TMEM268: variants seen among roughly 807,000 people sequenced by gnomAD.
TMEM268 encodes transmembrane protein 268, also known as transmembrane protein C9orf91.
TMEM268 carries 24 observed loss-of-function variants against 39.1 expected under a neutral mutation model. That is an observed-to-expected ratio of 0.61 (90% CI 0.44 to 0.86). TMEM268 has a LOEUF of 0.86. Among genes scored for constraint, TMEM268 ranks in the 40% least tolerant of loss-of-function variants. TMEM268 has a pLI of 0.00. For missense variants in TMEM268, 409 were observed against 428.6 expected (o/e 0.95, Z 0.40); for synonymous variants, 176 against 173.5 (o/e 1.01, Z -0.12).
At chr9:114,610,625 C>G (rs1845454745), upstream of TMEM268, among the ~76,000 whole-genome samples, 2 of 152,140 alleles carry the variant, frequency 1.3e-5, no homozygotes, top group African/African-American at 4.8e-5. Context: ...TACTTTTAAC[C>G]GTAGACCCTT....
Position 114,644,629 on chromosome 9 carries a change from C to A in TMEM268, c.*1316C>A, listed in dbSNP as rs1827500168. 1 of 152,098 alleles carries A rather than the reference C, an allele frequency of 6.6e-6. No homozygotes were observed. The highest frequency in any genetic ancestry group is 2.4e-5 in the African/African-American group (1 of 41,412). The allele number at this position is 152,098 out of a possible 1,614,324, so 9.4% of individuals were successfully genotyped here. A position where few individuals can be genotyped will look rare whatever the true frequency, so the allele number is the denominator to read the frequency against. ...TCTTGTGGATTGATTGCTTTGCCATCCCCACAGCAGCTTTTGCAAATTGCT... is the reference window on the plus strand; with the variant it reads ...TCTTGTGGATTGATTGCTTTGCCATACCCACAGCAGCTTTTGCAAATTGCT... On this transcript the variant is annotated 3_prime_UTR_variant, in exon 9 of 9. Coordinates refer to ENST00000288502, the MANE Select transcript of TMEM268 (RefSeq NM_153045.4).
chr9:114,606,063 T>C, the TMEM268 span, among the ~76,000 whole-genome samples: 2 of 151,900 alleles, frequency 1.3e-5, no homozygotes, highest in Admixed American at 6.6e-5. Context: ...TCTACAATTA[T>C]CTTAGGTGGT....
intron 3 of TMEM268, among the ~76,000 whole-genome samples, chr9:114,625,393 T>A (rs6478094): frequency 0.87 from 132,218 of 151,600 alleles, 57,840 homozygotes; most frequent in East Asian, 0.98. Context: ...ATGAATAGGG[T>A]AGATATACTG....
At chr9:114,637,417 G>C (rs145296745) in intron 7 of TMEM268, among the ~76,000 whole-genome samples, 1 of 150,810 alleles carries the variant, frequency 6.6e-6, no homozygotes, top group African/African-American at 2.4e-5. Context: ...CTCAGCCTCC[G>C]GAGTAGCTGG....
At chr9:114,608,201 T>C (rs1035905859), upstream of TMEM268, among the ~76,000 whole-genome samples, 2 of 152,250 alleles carry the variant, frequency 1.3e-5, no homozygotes, top group Non-Finnish European at 2.9e-5. Context: ...TGCAAACACA[T>C]GATACCTCGT....
chr9:114,617,434 T>C, intron 2 of TMEM268, 133 bp downstream of exon 2: 1 of 735,190 alleles, frequency 1.4e-6, no homozygotes, highest in South Asian at 1.6e-5. Flanking sequence ...TTTTACCAGT[T>C]CTGTCTCTTG....
intron 2 of TMEM268, among the ~76,000 whole-genome samples, chr9:114,620,055 A>G (rs1465230017): frequency 6.6e-6 from 1 of 151,912 alleles, no homozygotes; most frequent in Non-Finnish European, 1.5e-5. Flanking sequence ...CTCTATGAAA[A>G]ATACAAAAAA....
In TMEM268 at chr9:114,626,836, T is replaced by G. The variant is rs913986467; in HGVS notation, c.217-63T>G. On this transcript the variant is annotated intron_variant, in intron 3 of 8. Transcript: ENST00000288502. The stretch of plus-strand genomic sequence containing the variant: ...GCCTAATCCCCCTTCCACATGATAG[T>G]CACATGCACTGGAAACTGGCTGTCC... 2.0e-5 allele frequency: 25 copies of G among 1,229,896 alleles called. 3 individuals carry two copies. In the Admixed American group the frequency reaches 3.8e-4, roughly 19 times the overall value. 76.2% of individuals were successfully genotyped at this position (1,229,896 alleles called of 1,614,324 possible).
At chr9:114,625,283 G>A (rs1386113097) in intron 3 of TMEM268, among the ~76,000 whole-genome samples, 2 of 152,098 alleles carry the variant, frequency 1.3e-5, no homozygotes, top group Non-Finnish European at 1.5e-5. Context: ...TTATTGTTAT[G>A]AAGTACCTAT....
At chr9:114,617,945 C>T (rs1013007220) in intron 2 of TMEM268, among the ~76,000 whole-genome samples, 28 of 151,940 alleles carry the variant, frequency 1.8e-4, no homozygotes, top group African/African-American at 6.0e-4. Flanking sequence ...GGCATGATCT[C>T]GGTTCACTGT....
chr9:114,638,755 A>G (rs761150498), intron 8 of TMEM268, 29 bp downstream of exon 8: 4 of 1,501,354 alleles, frequency 2.7e-6, no homozygotes, highest in African/African-American at 1.4e-5. Context: ...TGTTGGGGCC[A>G]TCTTCCCTCG....
At chr9:114,635,034 C>T (rs759901957) in intron 6 of TMEM268, among the ~76,000 whole-genome samples, 3 of 151,984 alleles carry the variant, frequency 2.0e-5, no homozygotes, top group Non-Finnish European at 4.4e-5. Context: ...GATGAATGCA[C>T]GGATGGATAG....
At chr9:114,628,332 C>T (rs1393990631) in intron 5 of TMEM268, 82 bp downstream of exon 5, 1 of 1,517,910 alleles carries the variant, frequency 6.6e-7, no homozygotes, top group Non-Finnish European at 9.0e-7. Context: ...CTTTTGCCTC[C>T]CTCAAAGAAT....
intron 1 of TMEM268, among the ~76,000 whole-genome samples, chr9:114,616,017 C>CT (rs58289502): frequency 0.047 from 5,722 of 121,300 alleles, 339 homozygotes; most frequent in African/African-American, 0.13. Flanking sequence ...TTTTTCTTTT[C>CT]TTTTTTTTTT....
rs1437794222 is a variant in TMEM268, at chr9:114,626,915, A to G, written c.233A>G (p.Tyr78Cys). ...TCCAAGCAGGTCCCGGCTGACCAGT[A>G]CAGGAGCTTGGCTGAGAGTGCCCTC... ...TWGIQVPADQ[Y>C]RSLAESALLE... The change falls in exon 4 of 9, where the codon TAC becomes TGC. Residue 78 changes from tyrosine to cysteine, a missense_variant. By Grantham distance (194) the Tyr-to-Cys change is radical. Coordinates refer to ENST00000288502, the MANE Select transcript of TMEM268 (RefSeq NM_153045.4). The G allele has an allele frequency of 6.2e-7, 1 of 1,613,614 alleles. No homozygotes were observed. Among genetic ancestry groups the G allele is most frequent in the Non-Finnish European group, 8.5e-7 (1 of 1,179,554 alleles).
At chr9:114,627,027 A>C in intron 4 of TMEM268, 21 bp downstream of exon 4, 1 of 1,525,164 alleles carries the variant, frequency 6.6e-7, no homozygotes, top group Non-Finnish European at 9.1e-7. Flanking sequence ...GGTGGCCCGC[A>C]CACTGACCCT....
At chr9:114,616,917 C>T (rs1170383439) in intron 1 of TMEM268, among the ~76,000 whole-genome samples, 1 of 152,032 alleles carries the variant, frequency 6.6e-6, no homozygotes, top group Non-Finnish European at 1.5e-5. Flanking sequence ...TCAGTTTGGG[C>T]CTTGGAAGGT....
At chr9:114,632,132 A>C (rs1846429739) in intron 5 of TMEM268, among the ~76,000 whole-genome samples, 1 of 151,818 alleles carries the variant, frequency 6.6e-6, no homozygotes, top group African/African-American at 2.4e-5. Context: ...TTTAGGTATA[A>C]ATGTAAACTG....
intron 2 of TMEM268, 39 bp from the exon 3 acceptor site, chr9:114,624,311 T>G: frequency 6.4e-7 from 1 of 1,563,070 alleles, no homozygotes; most frequent in South Asian, 1.2e-5. Flanking sequence ...CCTGGTATGG[T>G]TATCACTCAG....
Sources: allele counts gnomAD v4.1 joint callset (sites outside exome capture counted in the v4.1 genomes callset), GRCh38; gene constraint gnomAD v4.1.1; transcripts MANE v1.5; gene names NCBI Gene and HGNC (gene_info 2026-07-23, HGNC 2026-07-21).